The following PCDHA4 variants were observed in gnomAD, a reference collection of about 807,000 sequenced individuals.
PCDHA4 encodes protocadherin alpha 4.
In PCDHA4, 49 loss-of-function variants were observed where a neutral mutation model predicts 61.4. The ratio of observed to expected loss-of-function variants is 0.80; its 90% CI spans 0.63 to 1.01. PCDHA4 has a LOEUF of 1.01. Among genes scored for constraint, PCDHA4 ranks in the 50% least tolerant of loss-of-function variants. The pLI, the probability that PCDHA4 is intolerant of heterozygous loss-of-function variation, is 0.00. For missense variants in PCDHA4, 1,254 were observed against 1,235.8 expected (o/e 1.01, Z -0.22); for synonymous variants, 590 against 550.3 (o/e 1.07, Z -1.01).
rs139717033 is a variant in PCDHA4 at position 140,850,329 on chromosome 5, C to A, written c.2385+40757C>A. ...CAACGCGTGGCTTTCATACGAGCTG[C>A]AGCCAGAAACGGCCAGCGCGAGCAT... On this transcript the variant is annotated intron_variant, in intron 1 of 3. Coordinates refer to ENST00000530339, the MANE Select transcript of PCDHA4 (RefSeq NM_018907.4). 510 of 1,597,650 alleles carry A rather than the reference C, an allele frequency of 3.2e-4. 26 individuals are homozygous for A. The African/African-American group carries it at 6.2e-3, about 19-fold the overall frequency.
chr5:140,959,141 C>G (rs936183508), intron 1 of PCDHA4, among the ~76,000 whole-genome samples: 1 of 151,924 alleles, frequency 6.6e-6, no homozygotes, highest in Admixed American at 6.6e-5. Context: ...CTTTGGGAGG[C>G]CAAAGTGGGC....
At chr5:140,915,266 C>T (rs1554196835) in intron 1 of PCDHA4, among the ~76,000 whole-genome samples, 1 of 151,940 alleles carries the variant, frequency 6.6e-6, no homozygotes, top group Non-Finnish European at 1.5e-5. Context: ...TTATTTTTGA[C>T]CAGTTCATCA....
intron 1 of PCDHA4, chr5:140,882,584 C>T (rs1554174685): frequency 1.9e-6 from 3 of 1,614,120 alleles, no homozygotes; most frequent in Admixed American, 1.7e-5. Flanking sequence ...CAGCATCCAC[C>T]TGGAGGTGAT....
intron 1 of PCDHA4, among the ~76,000 whole-genome samples, chr5:140,946,042 C>T (rs967126849): frequency 4.6e-4 from 70 of 152,118 alleles, no homozygotes; most frequent in African/African-American, 1.6e-3. Flanking sequence ...AGTGAAGGGA[C>T]AATCCACAGA....
intron 3 of PCDHA4, among the ~76,000 whole-genome samples, chr5:140,997,593 G>T (rs2097775607): frequency 6.6e-6 from 1 of 152,072 alleles, no homozygotes. Context: ...ACTGAAACAT[G>T]ATTATGGGGC....
chr5:140,891,612 T>C (rs182874243), intron 1 of PCDHA4, among the ~76,000 whole-genome samples: 2 of 152,350 alleles, frequency 1.3e-5, no homozygotes, highest in Admixed American at 1.3e-4. Context: ...TTCTACCTTT[T>C]ATTTTAACAC....
At position 140,912,253 on chromosome 5, in the gene PCDHA4, G is replaced by A. The variant is rs531201374; in HGVS notation, c.2386-66696G>A. Among the ~76,000 whole-genome samples the A allele has an allele frequency of 4.8e-4, 73 of 152,064 alleles. 1 individual carries two copies. The highest frequency in any genetic ancestry group is 1.5e-3 in the South Asian group (7 of 4,810). ...ACTGACTCAAATGTTAATCTCCTTTGATGACACCCTCACAGATATACCCAG... is the reference window on the plus strand; with the variant it reads ...ACTGACTCAAATGTTAATCTCCTTTAATGACACCCTCACAGATATACCCAG... On this transcript the variant is annotated intron_variant, in intron 1 of 3. Coordinates refer to ENST00000530339, the MANE Select transcript of PCDHA4 (RefSeq NM_018907.4).
At chr5:140,949,383 T>C (rs2094373133) in intron 1 of PCDHA4, among the ~76,000 whole-genome samples, 1 of 151,882 alleles carries the variant, frequency 6.6e-6, no homozygotes, top group Non-Finnish European at 1.5e-5. Flanking sequence ...TATCAATTGC[T>C]CAGAGAGCAG....
At chr5:140,936,244 T>C (rs879962489) in intron 1 of PCDHA4, among the ~76,000 whole-genome samples, 13 of 152,192 alleles carry the variant, frequency 8.5e-5, no homozygotes, top group Non-Finnish European at 1.6e-4. Context: ...AGAAAACATA[T>C]CCTGCTTCAA....
At chr5:140,941,624 T>A (rs2093131699) in intron 1 of PCDHA4, among the ~76,000 whole-genome samples, 1 of 151,964 alleles carries the variant, frequency 6.6e-6, no homozygotes, top group Non-Finnish European at 1.5e-5. Flanking sequence ...CCATCCTGCT[T>A]CTTAATTTCT....
chr5:140,906,965 G>T (rs1273243518), intron 1 of PCDHA4, among the ~76,000 whole-genome samples: 1 of 152,124 alleles, frequency 6.6e-6, no homozygotes, highest in Non-Finnish European at 1.5e-5. Flanking sequence ...ATGGAATCGT[G>T]GTTGTGTCTT....
At chr5:140,823,911 C>T (rs2150130255) in intron 1 of PCDHA4, 3 of 1,613,880 alleles carry the variant, frequency 1.9e-6, no homozygotes, top group Admixed American at 1.7e-5. Flanking sequence ...TGCTGGTGCT[C>T]ACGCTGCTGC....
At chr5:140,828,863 G>A (rs2150159880) in intron 1 of PCDHA4, 2 of 1,614,200 alleles carry the variant, frequency 1.2e-6, no homozygotes, top group East Asian at 2.2e-5. Context: ...TGCAGACAAC[G>A]GAACAACAGT....
chr5:140,875,915 TG>T, intron 1 of PCDHA4: 1 of 1,614,214 alleles, frequency 6.2e-7, no homozygotes, highest in Non-Finnish European at 8.5e-7. Context: ...TCTGCGCCTC[TG>T]GACTCTCATT....
At chr5:140,898,511 G>A (rs373963449) in intron 1 of PCDHA4, among the ~76,000 whole-genome samples, 16 of 151,912 alleles carry the variant, frequency 1.1e-4, no homozygotes, top group South Asian at 4.2e-4. Context: ...GATATGCGGC[G>A]TTATTTCTGA....
At chr5:140,928,388 C>T in intron 1 of PCDHA4, 1 of 1,614,012 alleles carries the variant, frequency 6.2e-7, no homozygotes, top group Non-Finnish European at 8.5e-7. Flanking sequence ...AGCTTGCTGG[C>T]AGTGGAATCA....
At chr5:140,907,591 C>T (rs539639384) in intron 1 of PCDHA4, among the ~76,000 whole-genome samples, 10 of 152,294 alleles carry the variant, frequency 6.6e-5, no homozygotes, top group African/African-American at 2.4e-4. Flanking sequence ...GGCTGATCAC[C>T]CTGAGGAATG....
At chr5:140,933,490 A>G (rs1554209400) in intron 1 of PCDHA4, among the ~76,000 whole-genome samples, 1 of 152,104 alleles carries the variant, frequency 6.6e-6, no homozygotes, top group African/African-American at 2.4e-5. Flanking sequence ...GTTATTCTTT[A>G]GAATTGTTAA....
At chr5:140,871,700 A>G in intron 1 of PCDHA4, 1 of 896,726 alleles carries the variant, frequency 1.1e-6, no homozygotes, top group Non-Finnish European at 1.6e-6. Flanking sequence ...TTCTTTAACC[A>G]ATAAATGTCC....
Sources: gnomAD v4.1 joint callset for allele counts (sites outside exome capture counted in the v4.1 genomes callset) on GRCh38, gnomAD v4.1.1 for gene constraint, MANE v1.5 for transcripts, NCBI Gene and HGNC (gene_info 2026-07-23, HGNC 2026-07-21) for gene names.